CFAP251: variants seen among roughly 807,000 people sequenced by gnomAD.
The protein encoded by CFAP251 is cilia- and flagella-associated protein 251.
In CFAP251, 93 loss-of-function variants were observed where a neutral mutation model predicts 126.7. The observed-to-expected ratio is 0.73, with a 90% CI of 0.62 to 0.87. The LOEUF is 0.87. Among genes scored for constraint, CFAP251 ranks in the 40% least tolerant of loss-of-function variants. The pLI, the probability that CFAP251 is intolerant of heterozygous loss-of-function variation, is 0.00. For synonymous variants in CFAP251, 503 were observed against 506.9 expected, an observed-to-expected ratio of 0.99 and a Z score of 0.10; for missense variants, 1,287 against 1,389.2, an observed-to-expected ratio of 0.93 and a Z score of 1.17.
At chr12:121,938,106 G>T (rs956291989) in intron 5 of CFAP251, among the ~76,000 whole-genome samples, 1 of 151,942 alleles carries the variant, frequency 6.6e-6, no homozygotes, top group Non-Finnish European at 1.5e-5. Flanking sequence ...CGAGGCTCAA[G>T]TGATCCTCCC....
chr12:121,952,240 TAAAAAAA>T (rs558861973), intron 9 of CFAP251, among the ~76,000 whole-genome samples: 64 of 92,082 alleles, frequency 7.0e-4, no homozygotes, highest in African/African-American at 2.2e-3. Context: ...TCGTTTCTAC[TAAAAAAA>T]AAAAAAAAAA....
intron 19 of CFAP251, among the ~76,000 whole-genome samples, chr12:121,992,760 T>C (rs902053443): frequency 2.0e-5 from 3 of 151,980 alleles, no homozygotes; most frequent in African/African-American, 7.2e-5. Flanking sequence ...GTTGTCTTTT[T>C]TGTAGAGACA....
chr12:121,962,016 G>A lies in CFAP251; in HGVS notation c.2346G>A (p.Leu782=). Residue 782 remains leucine (L), a synonymous_variant, in exon 15 of 22, where the codon CTG becomes CTA. Coordinates refer to ENST00000288912, the MANE Select transcript of CFAP251 (RefSeq NM_144668.6). ...YDLLRSYKDH[L]EVLDIHHTDQ... ...TTCTCAGGAGCTACAAAGACCACCT[G>A]GAAGTCCTGGACATTCACCACACCG... is the stretch of plus-strand genomic sequence containing the variant. 1 of 1,613,858 alleles carries A rather than the reference G, an allele frequency of 6.2e-7. No individual in the cohort carries two copies. The highest frequency in any genetic ancestry group is 8.5e-7 in the Non-Finnish European group (1 of 1,180,044).
intron 7 of CFAP251, among the ~76,000 whole-genome samples, chr12:121,943,303 ACT>A (rs1160421828): frequency 6.6e-6 from 1 of 152,010 alleles, no homozygotes; most frequent in African/African-American, 2.4e-5. Flanking sequence ...ACAAAGTGAG[ACT>A]CTGTCTCAAA....
chr12:121,940,244 T>C (rs1289933931), intron 5 of CFAP251, among the ~76,000 whole-genome samples: 1 of 152,244 alleles, frequency 6.6e-6, no homozygotes, highest in Non-Finnish European at 1.5e-5. Context: ...ATGTTAATAA[T>C]GCAGGTCTGA....
At chr12:121,987,643 A>C (rs1013040238) in intron 19 of CFAP251, among the ~76,000 whole-genome samples, 1 of 147,188 alleles carries the variant, frequency 6.8e-6, no homozygotes, top group Non-Finnish European at 1.5e-5. Context: ...TGAACCCGGG[A>C]GGCGGAGGTT....
At chr12:121,997,628 G>A (rs1374224867) in intron 19 of CFAP251, 1 of 147,992 alleles carries the variant, frequency 6.8e-6, no homozygotes, top group Non-Finnish European at 1.5e-5. Flanking sequence ...CACAAATCTT[G>A]CATTTTTGTT....
chr12:121,950,218 GA>G (rs1881471675), intron 8 of CFAP251: 1 of 152,216 alleles, frequency 6.6e-6, no homozygotes, highest in Non-Finnish European at 1.5e-5. Flanking sequence ...CACCAGACAC[GA>G]AAGTCACGTG....
At chr12:121,948,645 A>G (rs1249143068) in intron 7 of CFAP251, 8 of 172,188 alleles carry the variant, frequency 4.6e-5, no homozygotes, top group Admixed American at 1.9e-4. Flanking sequence ...ACTTGAACCC[A>G]GGAGATAGAG....
intron 7 of CFAP251, among the ~76,000 whole-genome samples, chr12:121,943,852 A>G (rs1881220479): frequency 6.6e-6 from 1 of 152,228 alleles, no homozygotes; most frequent in Admixed American, 6.5e-5. Flanking sequence ...CACATAATCC[A>G]TGCAAACATG....
chr12:121,952,240 TAAAAAAAAAA>T (rs558861973), intron 9 of CFAP251, among the ~76,000 whole-genome samples: 48 of 92,074 alleles, frequency 5.2e-4, no homozygotes, highest in South Asian at 9.0e-4. Flanking sequence ...TCGTTTCTAC[TAAAAAAAAAA>T]AAAAAAAAAA....
chr12:121,965,172 G>A (rs1882079219), intron 15 of CFAP251, among the ~76,000 whole-genome samples: 1 of 152,194 alleles, frequency 6.6e-6, no homozygotes, highest in Admixed American at 6.5e-5. Flanking sequence ...GCAGTTCACA[G>A]GAAAAGGCCA....
chr12:121,927,835 A>G (rs1880481518), intron 3 of CFAP251, among the ~76,000 whole-genome samples: 1 of 152,204 alleles, frequency 6.6e-6, no homozygotes, highest in South Asian at 2.1e-4. Context: ...CAAGGCAATC[A>G]TGTATTTATG....
At chr12:121,930,701 A>G (rs1215960563) in intron 3 of CFAP251, among the ~76,000 whole-genome samples, 3 of 151,822 alleles carry the variant, frequency 2.0e-5, no homozygotes, top group Non-Finnish European at 2.9e-5. Flanking sequence ...TCCAGTAGAA[A>G]TAGTACATAG....
chr12:121,939,659 T>TA (rs1881033933), intron 5 of CFAP251, among the ~76,000 whole-genome samples: 1 of 152,182 alleles, frequency 6.6e-6, no homozygotes, highest in Admixed American at 6.5e-5. Flanking sequence ...GCTATGTTAA[T>TA]ATGAATTTTA....
chr12:121,966,171 T>TCCCTCCCCTCCCCTCCCCTC (rs1366004601), intron 15 of CFAP251, among the ~76,000 whole-genome samples: 1 of 5,282 alleles, frequency 1.9e-4, no homozygotes, highest in Non-Finnish European at 3.6e-4. Flanking sequence ...CCCCTCCCCT[T>TCCCTCCCCTCCCCTCCCCTC]CCCTCCCCTC....
intron 19 of CFAP251, among the ~76,000 whole-genome samples, chr12:121,990,175 G>A (rs187049332): frequency 3.3e-5 from 5 of 152,330 alleles, no homozygotes; most frequent in African/African-American, 1.2e-4. Context: ...GTTCACACCC[G>A]AATGGGCAGC....
chr12:121,951,514 C>A lies in CFAP251; in HGVS notation c.1304C>A (p.Pro435Gln), dbSNP rs1175059264. 1 of 1,583,760 alleles carries A rather than the reference C, an allele frequency of 6.3e-7. No homozygotes were observed. The highest frequency in any genetic ancestry group is 2.3e-5 in the East Asian group (1 of 44,430). ...EERDTLAHSA[P>Q]LLTEKTFNKL... ...AGGGATACACTGGCTCACAGTGCCCCACTTTTAACTGAAAAAGTGAGTATG... is the reference window on the plus strand; with the variant it reads ...AGGGATACACTGGCTCACAGTGCCCAACTTTTAACTGAAAAAGTGAGTATG... Residue 435 changes from proline to glutamine, a missense_variant, in exon 9 of 22, where the codon CCA (proline) becomes CAA (glutamine). Pro to Gln is a moderately conservative substitution (Grantham distance 76). Transcript: ENST00000288912.
intron 5 of CFAP251, among the ~76,000 whole-genome samples, chr12:121,941,545 G>A (rs1363461766): frequency 6.6e-6 from 1 of 151,778 alleles, no homozygotes; most frequent in Non-Finnish European, 1.5e-5. Flanking sequence ...TGTTGTCCAG[G>A]CTGATCTTGA....
Sources: allele counts gnomAD v4.1 joint callset (sites outside exome capture counted in the v4.1 genomes callset), GRCh38; gene constraint gnomAD v4.1.1; transcripts MANE v1.5; gene names NCBI Gene and HGNC (gene_info 2026-07-23, HGNC 2026-07-21).